SUGCT: variants seen among roughly 807,000 people sequenced by gnomAD.
SUGCT encodes the protein succinyl-CoA:glutarate-CoA transferase, also known as succinyl-CoA:glutarate CoA-transferase.
In SUGCT, 41 loss-of-function variants were observed where a neutral mutation model predicts 55.0. That is an observed-to-expected ratio of 0.74 (90% CI 0.58 to 0.97). The LOEUF is 0.97. Among genes scored for constraint, SUGCT ranks in the 50% least tolerant of loss-of-function variants. SUGCT has a pLI of 0.00. For synonymous variants in SUGCT, 187 were observed against 200.4 expected (o/e 0.93, Z 0.56); for missense variants, 568 against 547.8 (o/e 1.04, Z -0.37).
chr7:40,185,371 G>T, intron 3 of SUGCT, among the ~76,000 whole-genome samples: 1 of 152,022 alleles, frequency 6.6e-6, no homozygotes, highest in African/African-American at 2.4e-5. Context: ...TTTATAAATT[G>T]TTGTTCCCTA....
intron 12 of SUGCT, among the ~76,000 whole-genome samples, chr7:40,527,575 A>C (rs1257197236): frequency 6.6e-6 from 1 of 152,194 alleles, no homozygotes; most frequent in Non-Finnish European, 1.5e-5. Flanking sequence ...GTCATTTCAC[A>C]ATGTAGGAAA....
chr7:40,193,548 G>A (rs1393871742), intron 5 of SUGCT, among the ~76,000 whole-genome samples: 1 of 151,518 alleles, frequency 6.6e-6, no homozygotes, highest in African/African-American at 2.4e-5. Context: ...GCCCCCCAAA[G>A]TGCTGGGATT....
intron 12 of SUGCT, among the ~76,000 whole-genome samples, chr7:40,733,423 C>T (rs751499466): frequency 2.0e-5 from 3 of 152,194 alleles, no homozygotes; most frequent in Non-Finnish European, 4.4e-5. Flanking sequence ...AGCAAACATG[C>T]ATCTATCTGC....
At chr7:40,619,387 A>G (rs1244421127) in intron 12 of SUGCT, among the ~76,000 whole-genome samples, 2 of 152,222 alleles carry the variant, frequency 1.3e-5, no homozygotes, top group Admixed American at 6.5e-5. Flanking sequence ...AAATAATTGG[A>G]AAATATTTTG....
chr7:40,341,239 A>G (rs1483944107), intron 9 of SUGCT, among the ~76,000 whole-genome samples: 1 of 152,216 alleles, frequency 6.6e-6, no homozygotes, highest in East Asian at 1.9e-4. Flanking sequence ...AATGGAGAAA[A>G]GCATCCTGTT....
intron 13 of SUGCT, among the ~76,000 whole-genome samples, chr7:40,786,158 A>G (rs917406380): frequency 6.6e-6 from 1 of 152,198 alleles, no homozygotes; most frequent in Non-Finnish European, 1.5e-5. Context: ...GAATTTTCCT[A>G]TGGAAGGTCA....
intron 13 of SUGCT, among the ~76,000 whole-genome samples, chr7:40,788,757 G>A (rs546164931): frequency 1.3e-5 from 2 of 152,288 alleles, no homozygotes; most frequent in Admixed American, 1.3e-4. Flanking sequence ...CCTCCCCTGG[G>A]CAATGAGGGA....
the SUGCT span, among the ~76,000 whole-genome samples, chr7:41,034,292 G>C: frequency 6.6e-6 from 1 of 152,158 alleles, no homozygotes; most frequent in South Asian, 2.1e-4. Context: ...AGTACATCTT[G>C]ATTCATGTAA....
chr7:40,716,594 G>A (rs988545190), intron 12 of SUGCT, among the ~76,000 whole-genome samples: 1 of 151,990 alleles, frequency 6.6e-6, no homozygotes, highest in Non-Finnish European at 1.5e-5. Context: ...TAGGGTAATT[G>A]GCTAATCATT....
At chr7:40,436,554 T>G (rs977712961) in intron 9 of SUGCT, among the ~76,000 whole-genome samples, 15 of 152,170 alleles carry the variant, frequency 9.9e-5, no homozygotes, top group African/African-American at 3.6e-4. Context: ...TAGTGAAATG[T>G]GGTGACAGCT....
chr7:40,640,671 T>A (rs1800230151), intron 12 of SUGCT, among the ~76,000 whole-genome samples: 1 of 152,212 alleles, frequency 6.6e-6, no homozygotes, highest in Admixed American at 6.5e-5. Flanking sequence ...AAAAAACACA[T>A]ACACATGCAC....
chr7:40,656,294 A>G (rs1801017358), intron 12 of SUGCT, among the ~76,000 whole-genome samples: 1 of 151,616 alleles, frequency 6.6e-6, no homozygotes, highest in South Asian at 2.1e-4. Context: ...TAACACACTA[A>G]TTCTCCCAGG....
intron 13 of SUGCT, among the ~76,000 whole-genome samples, chr7:40,829,605 CAA>C (rs1256964878): frequency 6.6e-6 from 1 of 152,054 alleles, no homozygotes; most frequent in Non-Finnish European, 1.5e-5. Flanking sequence ...AAAAAGGACA[CAA>C]AGAATTTTTG....
chr7:40,712,973 G>T (rs1382759945), intron 12 of SUGCT, among the ~76,000 whole-genome samples: 1 of 152,196 alleles, frequency 6.6e-6, no homozygotes, highest in Non-Finnish European at 1.5e-5. Flanking sequence ...CATTCACATG[G>T]TGGAATAGCA....
chr7:40,908,356 C>G, the SUGCT span, among the ~76,000 whole-genome samples: 1 of 140,428 alleles, frequency 7.1e-6, no homozygotes, highest in Non-Finnish European at 1.5e-5. Context: ...GCATTCCAAC[C>G]TGGGGCACAG....
At chr7:40,344,309 C>T (rs1465638985) in intron 9 of SUGCT, among the ~76,000 whole-genome samples, 1 of 152,064 alleles carries the variant, frequency 6.6e-6, no homozygotes, top group African/African-American at 2.4e-5. Context: ...CATTGTGTAG[C>T]TTCATTATCA....
chr7:40,640,950 T>C lies in SUGCT; in HGVS notation c.1090-108484T>C, dbSNP rs7458829. On this transcript the variant is annotated intron_variant, in intron 12 of 13. Transcript: ENST00000335693. ...GGGGCTGGAGATATTTTCAAGACTT[T>C]AAAACTATCAGGACATTTTGGTGTT... Among the ~76,000 whole-genome samples the C allele has an allele frequency of 3.8e-3, 584 of 152,378 alleles. 2 individuals are homozygous for C. Among genetic ancestry groups the C allele is most frequent in the Middle Eastern group, 0.02 (6 of 294 alleles).
intron 13 of SUGCT, among the ~76,000 whole-genome samples, chr7:40,759,843 GT>G (rs1788444981): frequency 1.3e-5 from 2 of 150,120 alleles, no homozygotes; most frequent in Admixed American, 6.7e-5. Flanking sequence ...TGTTGTTGTT[GT>G]TTTTGTTTTT....
chr7:40,904,161 C>T, the SUGCT span, among the ~76,000 whole-genome samples: 1 of 152,164 alleles, frequency 6.6e-6, no homozygotes, highest in Admixed American at 6.5e-5. Flanking sequence ...TAAGTAGCAG[C>T]GAGTACTTTT....
Sources: allele counts gnomAD v4.1 joint callset (sites outside exome capture counted in the v4.1 genomes callset), GRCh38; gene constraint gnomAD v4.1.1; transcripts MANE v1.5; gene names NCBI Gene and HGNC (gene_info 2026-07-23, HGNC 2026-07-21).